RNLS: variants seen among roughly 807,000 people sequenced by gnomAD.
The protein encoded by RNLS is renalase.
In RNLS, 39 loss-of-function variants were observed where a neutral mutation model predicts 39.8. The ratio of observed to expected loss-of-function variants is 0.98; its 90% confidence interval spans 0.76 to 1.28. The LOEUF (loss-of-function observed/expected upper bound fraction) is 1.28. RNLS is among the 50% of genes most tolerant of loss of function. RNLS has a pLI of 0.00. For missense variants in RNLS, 410 were observed against 413.3 expected, an observed-to-expected ratio of 0.99 and a Z score of 0.07; for synonymous variants, 147 against 150.7, an observed-to-expected ratio of 0.98 and a Z score of 0.18.
intron 4 of RNLS, among the ~76,000 whole-genome samples, chr10:88,510,209 C>T (rs920542357): frequency 2.6e-5 from 4 of 152,054 alleles, no homozygotes; most frequent in African/African-American, 9.6e-5. Flanking sequence ...ATTGAATGCA[C>T]ACTTGGGATA....
chr10:88,457,761 C>T (rs1842713253), intron 4 of RNLS, among the ~76,000 whole-genome samples: 1 of 152,160 alleles, frequency 6.6e-6, no homozygotes, highest in Admixed American at 6.5e-5. Flanking sequence ...TCTCCCTATC[C>T]CTATCAGTCT....
intron 4 of RNLS, among the ~76,000 whole-genome samples, chr10:88,461,760 T>C (rs992496248): frequency 1.3e-5 from 2 of 152,080 alleles, no homozygotes; most frequent in African/African-American, 4.8e-5. Context: ...AATAAAGTTT[T>C]GGAGATAAAA....
chr10:88,270,409 C>T (rs1842617097), downstream of RNLS, among the ~76,000 whole-genome samples: 1 of 152,172 alleles, frequency 6.6e-6, no homozygotes, highest in African/African-American at 2.4e-5. Context: ...ATTTAGGGGA[C>T]AAGTCTTGCT....
chr10:88,287,625 A>T (rs2132634364), intron 6 of RNLS, among the ~76,000 whole-genome samples: 1 of 152,224 alleles, frequency 6.6e-6, no homozygotes, highest in South Asian at 2.1e-4. Context: ...TAAAGAAAAG[A>T]GGTTTAATTG....
intron 3 of RNLS, among the ~76,000 whole-genome samples, chr10:88,576,876 C>T (rs1371399292): frequency 1.3e-5 from 2 of 152,102 alleles, no homozygotes; most frequent in Non-Finnish European, 2.9e-5. Flanking sequence ...CTTTCTGGAT[C>T]GCTAGCCAAT....
chr10:88,239,921 A>G, the RNLS span, among the ~76,000 whole-genome samples: 1 of 152,228 alleles, frequency 6.6e-6, no homozygotes, highest in African/African-American at 2.4e-5. Flanking sequence ...TGCCTTGGGC[A>G]CAGAGGAATT....
chr10:88,458,042 T>C (rs1007195847), intron 4 of RNLS, among the ~76,000 whole-genome samples: 2 of 152,174 alleles, frequency 1.3e-5, no homozygotes, highest in Non-Finnish European at 2.9e-5. Flanking sequence ...ATGGTAACAT[T>C]TGCATATTTT....
chr10:88,258,941 C>T, the RNLS span, among the ~76,000 whole-genome samples: 1 of 152,172 alleles, frequency 6.6e-6, no homozygotes, highest in East Asian at 1.9e-4. Flanking sequence ...CTGTTACTGG[C>T]GAGCTCAAAT....
intron 4 of RNLS, among the ~76,000 whole-genome samples, chr10:88,563,186 G>A (rs1849286920): frequency 6.6e-6 from 1 of 152,016 alleles, no homozygotes; most frequent in African/African-American, 2.4e-5. Flanking sequence ...TATTCCAACA[G>A]GAGTTTTTAA....
At chr10:88,210,813 G>A in the RNLS span, among the ~76,000 whole-genome samples, 1 of 152,002 alleles carries the variant, frequency 6.6e-6, no homozygotes, top group African/African-American at 2.4e-5. Context: ...ACCTCATGTG[G>A]AAAGGGTTAT....
intron 4 of RNLS, among the ~76,000 whole-genome samples, chr10:88,551,799 G>C (rs1848617069): frequency 6.6e-6 from 1 of 152,080 alleles, no homozygotes; most frequent in Non-Finnish European, 1.5e-5. Flanking sequence ...CTATATGGTG[G>C]GGATAATAAC....
chr10:88,203,396 G>GTATA, the RNLS span, among the ~76,000 whole-genome samples: 2 of 7,840 alleles, frequency 2.6e-4, 1 homozygote, highest in African/African-American at 1.9e-3. Flanking sequence ...ACACGTATGT[G>GTATA]TATATATATA....
intron 6 of RNLS, among the ~76,000 whole-genome samples, chr10:88,302,687 A>G (rs1477730148): frequency 6.6e-6 from 1 of 152,222 alleles, no homozygotes; most frequent in Non-Finnish European, 1.5e-5. Flanking sequence ...GTGTCAGACT[A>G]TGAAAGAGAT....
intron 5 of RNLS, chr10:88,343,788 C>G: frequency 1.0e-6 from 1 of 985,374 alleles, no homozygotes; most frequent in Non-Finnish European, 1.2e-6. Flanking sequence ...GATTTTCAGT[C>G]TGTTGCAGCT....
chr10:88,529,864 CACTT>C lies in RNLS; in HGVS notation c.526+43035_526+43038del, dbSNP rs373101254. On this transcript the variant is annotated intron_variant, in intron 4 of 6. Transcript: ENST00000331772. ...AAATAGATCTGAAGTCCTCTGAAATCACTTACTTGTTTCTTCTCCCTCTCCCACT... is the reference window on the plus strand; with the variant it reads ...AAATAGATCTGAAGTCCTCTGAAATCACTTGTTTCTTCTCCCTCTCCCACT... Among the ~76,000 whole-genome samples, 541 of 152,260 alleles carry C rather than the reference CACTT, an allele frequency of 3.6e-3. 3 individuals carry two copies. Among genetic ancestry groups the C allele is most frequent in the African/African-American group, 0.012 (519 of 41,552 alleles).
chr10:88,478,885 C>T (rs756652863), intron 4 of RNLS, among the ~76,000 whole-genome samples: 22 of 149,626 alleles, frequency 1.5e-4, no homozygotes, highest in Non-Finnish European at 2.5e-4. Context: ...CTCTTTCTTT[C>T]TTTCTTTCTC....
intron 4 of RNLS, among the ~76,000 whole-genome samples, chr10:88,482,982 C>T (rs1374747670): frequency 2.0e-5 from 3 of 151,758 alleles, no homozygotes; most frequent in Admixed American, 6.6e-5. Context: ...TCCTCCATCC[C>T]TTTCTTCCTT....
chr10:88,311,561 C>CT (rs1321087855), intron 6 of RNLS, among the ~76,000 whole-genome samples: 2 of 152,172 alleles, frequency 1.3e-5, no homozygotes, highest in Non-Finnish European at 2.9e-5. Flanking sequence ...GCTCCCAAGT[C>CT]TTTCAAAAAA....
chr10:88,520,684 T>C (rs1846674749), intron 4 of RNLS, among the ~76,000 whole-genome samples: 1 of 152,004 alleles, frequency 6.6e-6, no homozygotes, highest in African/African-American at 2.4e-5. Context: ...ATTCAACATA[T>C]GCATAAAAAC....
Sources: gnomAD v4.1 joint callset for allele counts (sites outside exome capture counted in the v4.1 genomes callset) on GRCh38, gnomAD v4.1.1 for gene constraint, MANE v1.5 for transcripts, NCBI Gene and HGNC (gene_info 2026-07-23, HGNC 2026-07-21) for gene names.